The following PPARGC1A variants were observed in gnomAD, a reference collection of about 807,000 sequenced individuals.
PPARGC1A encodes the protein peroxisome proliferator-activated receptor gamma coactivator 1-alpha.
Under a neutral mutation model 88.7 loss-of-function variants are expected in PPARGC1A, and 25 were observed. The observed-to-expected ratio is 0.28, with a 90% CI of 0.21 to 0.39. The LOEUF is 0.39. Ranked by LOEUF, PPARGC1A falls within the 10% of genes least tolerant of loss-of-function variation. The probability of loss-of-function intolerance (pLI) is 1.00; values close to 1 mark genes in which losing one functional copy is unlikely to be tolerated. For synonymous variants in PPARGC1A, 363 were observed against 355.6 expected (o/e 1.02, Z -0.24); for missense variants, 880 against 968.7 (o/e 0.91, Z 1.22).
the PPARGC1A span, among the ~76,000 whole-genome samples, chr4:24,376,635 G>C: frequency 6.6e-6 from 1 of 152,178 alleles, no homozygotes; most frequent in Admixed American, 6.5e-5. Flanking sequence ...TTCACCATTT[G>C]ACTAAAGGTC....
chr4:24,446,135 C>A, the PPARGC1A span, among the ~76,000 whole-genome samples: 1 of 152,290 alleles, frequency 6.6e-6, no homozygotes, highest in South Asian at 2.1e-4. Context: ...AGTGGTAAGG[C>A]AGCTTTCTCT....
chr4:24,280,778 C>CA, the PPARGC1A span, among the ~76,000 whole-genome samples: 1 of 152,174 alleles, frequency 6.6e-6, no homozygotes, highest in African/African-American at 2.4e-5. Context: ...AGTTTTCAGG[C>CA]ATGTATCCAT....
At chr4:24,175,370 G>T in the PPARGC1A span, among the ~76,000 whole-genome samples, 26 of 127,932 alleles carry the variant, frequency 2.0e-4, no homozygotes, top group Admixed American at 2.4e-4. Flanking sequence ...TTTTCTCTTT[G>T]TTTCGTTTTT....
rs761002916 is a variant in PPARGC1A, at chr4:23,831,623, A to G, written c.363T>C (p.Asn121=). 6.8e-6 allele frequency: 11 copies of G among 1,613,972 alleles called. No homozygotes were observed. Among genetic ancestry groups the G allele is most frequent in the Non-Finnish European group, 9.3e-6 (11 of 1,180,012 alleles). ...CAGGCATGGAGGAAGGACTAGCCTC[A>G]TTGTCAGTGGTCACGTCTCCATCTG... ...ALTDGDVTTD[N]EASPSSMPDG... Residue 121 remains asparagine (N), a synonymous_variant, in exon 3 of 13, where the codon AAT becomes AAC. Transcript: ENST00000264867.
the PPARGC1A span, among the ~76,000 whole-genome samples, chr4:24,347,162 T>C: frequency 6.6e-6 from 1 of 152,238 alleles, no homozygotes; most frequent in South Asian, 2.1e-4. Context: ...TTAAATTTAC[T>C]GAGGCTTGTT....
chr4:24,319,545 C>T, the PPARGC1A span, among the ~76,000 whole-genome samples: 1 of 152,066 alleles, frequency 6.6e-6, no homozygotes, highest in African/African-American at 2.4e-5. Context: ...GGAAACACTC[C>T]ATGAAATTAA....
chr4:24,156,945 T>G, the PPARGC1A span, among the ~76,000 whole-genome samples: 3 of 152,126 alleles, frequency 2.0e-5, no homozygotes, highest in African/African-American at 7.2e-5. Flanking sequence ...AAATACCTTT[T>G]TACTAAGCTA....
chr4:24,118,701 C>G, the PPARGC1A span, among the ~76,000 whole-genome samples: 1 of 152,124 alleles, frequency 6.6e-6, no homozygotes, highest in African/African-American at 2.4e-5. Context: ...TACCCTTACA[C>G]AAGCTGATAA....
At chr4:24,213,055 C>T in the PPARGC1A span, among the ~76,000 whole-genome samples, 5 of 152,068 alleles carry the variant, frequency 3.3e-5, no homozygotes, top group African/African-American at 1.2e-4. Flanking sequence ...GACCCAATGG[C>T]AGTTGCCAAA....
At chr4:24,307,428 G>A in the PPARGC1A span, among the ~76,000 whole-genome samples, 1 of 152,174 alleles carries the variant, frequency 6.6e-6, no homozygotes, top group Non-Finnish European at 1.5e-5. Context: ...ACACACTTTT[G>A]TACATATTTG....
the PPARGC1A span, among the ~76,000 whole-genome samples, chr4:24,341,458 C>A: frequency 6.6e-6 from 1 of 152,156 alleles, no homozygotes; most frequent in Non-Finnish European, 1.5e-5. Context: ...ACAAAATCAA[C>A]ACAGTCTGTG....
the PPARGC1A span, among the ~76,000 whole-genome samples, chr4:24,467,299 CA>C: frequency 6.6e-6 from 1 of 152,128 alleles, no homozygotes; most frequent in Admixed American, 6.5e-5. Flanking sequence ...GCTGGATTTA[CA>C]GGAGGATTTC....
the PPARGC1A span, among the ~76,000 whole-genome samples, chr4:24,158,324 A>G: frequency 6.6e-6 from 1 of 152,086 alleles, no homozygotes; most frequent in African/African-American, 2.4e-5. Flanking sequence ...GCCAACCAAA[A>G]TATTATTTTC....
the PPARGC1A span, among the ~76,000 whole-genome samples, chr4:24,354,209 G>C: frequency 1.3e-5 from 2 of 152,118 alleles, no homozygotes; most frequent in South Asian, 4.1e-4. Context: ...TAGGAAATAT[G>C]CTCCAATTTT....
chr4:24,209,592 T>C, the PPARGC1A span, among the ~76,000 whole-genome samples: 1 of 152,154 alleles, frequency 6.6e-6, no homozygotes, highest in Non-Finnish European at 1.5e-5. Context: ...AAGTATCCTG[T>C]GCTAGCTAGT....
At chr4:23,942,350 T>G in the PPARGC1A span, among the ~76,000 whole-genome samples, 1 of 152,188 alleles carries the variant, frequency 6.6e-6, no homozygotes. Context: ...ATCTAAATGA[T>G]TCCCAATATT....
the PPARGC1A span, among the ~76,000 whole-genome samples, chr4:24,387,222 C>A: frequency 2.6e-5 from 4 of 152,112 alleles, no homozygotes; most frequent in Non-Finnish European, 5.9e-5. Flanking sequence ...TTTTCTTATA[C>A]CTTTATACAA....
chr4:24,211,655 CAAGCT>C, the PPARGC1A span, among the ~76,000 whole-genome samples: 3 of 152,152 alleles, frequency 2.0e-5, no homozygotes, highest in African/African-American at 7.2e-5. Context: ...GGATGGAATC[CAAGCT>C]CAGCCACTTA....
the PPARGC1A span, among the ~76,000 whole-genome samples, chr4:24,198,343 A>T: frequency 1.3e-5 from 2 of 152,140 alleles, no homozygotes; most frequent in Non-Finnish European, 2.9e-5. Context: ...CATCCAATTC[A>T]TTCATTCAGA....
Sources: allele counts gnomAD v4.1 joint callset (sites outside exome capture counted in the v4.1 genomes callset), GRCh38; gene constraint gnomAD v4.1.1; transcripts MANE v1.5; gene names NCBI Gene and HGNC (gene_info 2026-07-23, HGNC 2026-07-21).